The following METAP1 variants were observed in gnomAD, a reference collection of about 807,000 sequenced individuals.
METAP1 encodes methionine aminopeptidase 1.
METAP1 carries 28 observed loss-of-function variants against 53.8 expected under a neutral mutation model. That is an observed-to-expected ratio of 0.52 (90% CI 0.39 to 0.71). METAP1 has a LOEUF of 0.71. Ranked by LOEUF, METAP1 falls within the 30% of genes least tolerant of loss-of-function variation. The probability of loss-of-function intolerance (pLI) is 0.00; values close to 1 mark genes in which losing one functional copy is unlikely to be tolerated. For missense variants in METAP1, 389 were observed against 479.8 expected, an observed-to-expected ratio of 0.81 and a Z score of 1.77; for synonymous variants, 181 against 165.7, an observed-to-expected ratio of 1.09 and a Z score of -0.71.
At chr4:99,007,484 T>C (rs1579242085) in intron 1 of METAP1, among the ~76,000 whole-genome samples, 1 of 152,220 alleles carries the variant, frequency 6.6e-6, no homozygotes, top group South Asian at 2.1e-4. Flanking sequence ...AGCATTGCGA[T>C]GATCCTTACC....
At chr4:99,057,723 A>G (rs1046402759) in intron 9 of METAP1, 30 bp from the exon 10 acceptor site, 1 of 1,547,430 alleles carries the variant, frequency 6.5e-7, no homozygotes, top group Non-Finnish European at 8.8e-7. Flanking sequence ...TGGTTTTGCT[A>G]CCTTTTGAGA....
chr4:99,004,484 TACACAC>T (rs145601239), intron 1 of METAP1, among the ~76,000 whole-genome samples: 25,448 of 75,332 alleles, frequency 0.34, 3,351 homozygotes, highest in East Asian at 0.82. Context: ...CACACACACA[TACACAC>T]ACACACACAC....
At chr4:98,998,840 C>T (rs1425064493) in intron 1 of METAP1, among the ~76,000 whole-genome samples, 1 of 149,042 alleles carries the variant, frequency 6.7e-6, no homozygotes, top group East Asian at 2.0e-4. Context: ...GACGGAGTTT[C>T]GCTTTTGTTG....
rs1296221244 is a variant in METAP1, at chr4:98,995,875, C to T, written c.114+8C>T. The T allele has an allele frequency of 2.0e-6, 3 of 1,533,486 alleles. No homozygotes were observed. The South Asian group carries it at 3.6e-5, about 18-fold the overall frequency. 95.0% of individuals were successfully genotyped at this position (1,533,486 alleles called of 1,614,324 possible). Reference sequence around the variant, plus strand: ...TCGTACTTCTGCTCGCAGGTAGGCGCCCGCTGCCCCGCGGATATGCCGCCG... The same window carrying T: ...TCGTACTTCTGCTCGCAGGTAGGCGTCCGCTGCCCCGCGGATATGCCGCCG... On this transcript the variant is annotated splice_region_variant and intron_variant, in intron 1 of 10. Coordinates refer to ENST00000296411, the MANE Select transcript of METAP1 (RefSeq NM_015143.3).
intron 1 of METAP1, among the ~76,000 whole-genome samples, chr4:99,004,625 C>T (rs1723094260): frequency 6.6e-6 from 1 of 152,132 alleles, no homozygotes; most frequent in Non-Finnish European, 1.5e-5. Context: ...CAAGTGAAAA[C>T]AGAAGGCTCC....
intron 1 of METAP1, among the ~76,000 whole-genome samples, chr4:99,002,627 G>A (rs1251801336): frequency 6.6e-6 from 1 of 152,116 alleles, no homozygotes; most frequent in African/African-American, 2.4e-5. Flanking sequence ...GATGAAACTA[G>A]GATAGGGACC....
intron 1 of METAP1, among the ~76,000 whole-genome samples, chr4:99,019,162 T>G (rs533112297): frequency 6.6e-6 from 1 of 152,276 alleles, no homozygotes; most frequent in South Asian, 2.1e-4. Flanking sequence ...ACCTCTCTTC[T>G]TTCACCCCAG....
chr4:99,057,777 A>G lies in METAP1; in HGVS notation c.956A>G (p.Lys319Arg). Residue 319 changes from lysine (K) to arginine (R), a missense_variant, in exon 10 of 11, where the codon AAG (lysine) becomes AGG (arginine). Coordinates refer to ENST00000296411, the MANE Select transcript of METAP1 (RefSeq NM_015143.3). ...GAAAATAAAGCAGTTGGAGTGATGAAGTCGGGCCATGTATTTACAATTGAG... is the reference window on the plus strand; with the variant it reads ...GAAAATAAAGCAGTTGGAGTGATGAGGTCGGGCCATGTATTTACAATTGAG... ...YAKNKAVGVMKSGHVFTIEPM... is the reference protein window; with the variant it reads ...YAKNKAVGVMRSGHVFTIEPM... The G allele has an allele frequency of 1.9e-6, 3 of 1,595,376 alleles. No individual in the cohort carries two copies. The highest frequency in any genetic ancestry group is 2.6e-6 in the Non-Finnish European group (3 of 1,170,398).
intron 9 of METAP1, among the ~76,000 whole-genome samples, chr4:99,053,191 G>A (rs1203870170): frequency 6.6e-6 from 1 of 152,102 alleles, no homozygotes; most frequent in African/African-American, 2.4e-5. Context: ...TTGATATTTG[G>A]CTTCCTCTCA....
intron 1 of METAP1, among the ~76,000 whole-genome samples, chr4:99,000,233 A>G (rs1440679641): frequency 6.6e-6 from 1 of 152,218 alleles, no homozygotes; most frequent in South Asian, 2.1e-4. Context: ...TGTGAATAGC[A>G]TAGGGCAGTT....
chr4:99,023,514 C>G, intron 1 of METAP1: 2 of 985,358 alleles, frequency 2.0e-6, no homozygotes, highest in Non-Finnish European at 2.4e-6. Flanking sequence ...TGCTCACACT[C>G]TCATCAACAT....
At chr4:99,046,953 A>AAAAAAAAAAAAAAAG (rs1560730243) in intron 8 of METAP1, among the ~76,000 whole-genome samples, 6 of 149,034 alleles carry the variant, frequency 4.0e-5, no homozygotes, top group African/African-American at 1.0e-4. Context: ...AAAAAAAAAA[A>AAAAAAAAAAAAAAAG]AAAAAGAAAA....
chr4:99,044,273 G>T (rs1726070886), intron 7 of METAP1, among the ~76,000 whole-genome samples: 1 of 152,110 alleles, frequency 6.6e-6, no homozygotes, highest in Non-Finnish European at 1.5e-5. Flanking sequence ...TTGTTAATAA[G>T]ATATCTTAAA....
At chr4:99,046,138 GC>G (rs554088779) in intron 8 of METAP1, among the ~76,000 whole-genome samples, 385 of 152,296 alleles carry the variant, frequency 2.5e-3, no homozygotes, top group Non-Finnish European at 4.4e-3. Context: ...AAGGGGCTGG[GC>G]ATGGTGGCTC....
chr4:99,035,983 C>T (rs1447845777), intron 4 of METAP1: 1 of 154,458 alleles, frequency 6.5e-6, no homozygotes, highest in African/African-American at 2.4e-5. Flanking sequence ...GCACGTGTTA[C>T]TCCATTTAAC....
chr4:99,033,762 A>G (rs1251287865), intron 2 of METAP1, among the ~76,000 whole-genome samples: 1 of 152,122 alleles, frequency 6.6e-6, no homozygotes, highest in Non-Finnish European at 1.5e-5. Context: ...ATTATTTTTG[A>G]TTTTGAATTT....
chr4:99,004,575 C>T (rs1402336373), intron 1 of METAP1, among the ~76,000 whole-genome samples: 3 of 151,822 alleles, frequency 2.0e-5, no homozygotes, highest in African/African-American at 7.3e-5. Context: ...TGCCTATATA[C>T]CTACCATCTA....
chr4:99,046,823 GTTTAA>G (rs1726279178), intron 8 of METAP1, among the ~76,000 whole-genome samples: 1 of 147,022 alleles, frequency 6.8e-6, no homozygotes, highest in South Asian at 2.2e-4. Flanking sequence ...GAAATTTAAT[GTTTAA>G]TTTGTCATTT....
At chr4:99,026,842 G>GTT in intron 1 of METAP1, 1 of 985,384 alleles carries the variant, frequency 1.0e-6, no homozygotes, top group Non-Finnish European at 1.2e-6. Flanking sequence ...CAGTAAGGAA[G>GTT]ATAAAGATGG....
Sources: allele counts gnomAD v4.1 joint callset (sites outside exome capture counted in the v4.1 genomes callset), GRCh38; gene constraint gnomAD v4.1.1; transcripts MANE v1.5; gene names NCBI Gene and HGNC (gene_info 2026-07-23, HGNC 2026-07-21).